Variants in TSKS observed in about 807,000 individuals in gnomAD.
The protein encoded by TSKS is testis-specific serine kinase substrate.
A neutral mutation model predicts 68.0 loss-of-function variants in TSKS; 27 were observed. The ratio of observed to expected loss-of-function variants is 0.40; its 90% confidence interval spans 0.29 to 0.55. TSKS has a LOEUF of 0.55. TSKS is among the 20% of genes least tolerant of loss of function. The pLI, the probability that TSKS is intolerant of heterozygous loss-of-function variation, is 0.53. For missense variants in TSKS, 806 were observed against 776.0 expected, an observed-to-expected ratio of 1.04 and a Z score of -0.46; for synonymous variants, 331 against 340.4, an observed-to-expected ratio of 0.97 and a Z score of 0.30.
At chr19:49,742,570 C>T (rs986494219) in intron 8 of TSKS, among the ~76,000 whole-genome samples, 1 of 147,208 alleles carries the variant, frequency 6.8e-6, no homozygotes, top group African/African-American at 2.5e-5. Flanking sequence ...ACCATCTTGG[C>T]TCACTGCAAC....
intron 5 of TSKS, 135 bp from the exon 6 acceptor site, chr19:49,746,933 A>C: frequency 7.8e-5 from 113 of 1,455,218 alleles, no homozygotes; most frequent in Non-Finnish European, 9.8e-5. Context: ...TGGAAGTCTC[A>C]CTGGCTGTCA....
chr19:49,749,041 C>T (rs867248132), intron 2 of TSKS, among the ~76,000 whole-genome samples: 13 of 151,242 alleles, frequency 8.6e-5, no homozygotes, highest in Middle Eastern at 3.2e-3. Flanking sequence ...CCAATCTGGG[C>T]GACAGAGCGA....
chr19:49,752,193 G>A (rs551468696), intron 2 of TSKS, among the ~76,000 whole-genome samples: 1 of 152,206 alleles, frequency 6.6e-6, no homozygotes, highest in African/African-American at 2.4e-5. Context: ...AGACTAGCCT[G>A]GCCAACATGG....
In TSKS at chr19:49,754,040, A is replaced by G. The variant is rs1015128366; in HGVS notation, c.400-5571T>C. Among the ~76,000 whole-genome samples, 6 of 149,864 alleles carry G rather than the reference A, an allele frequency of 4.0e-5. No homozygotes were observed. In the East Asian group the frequency reaches 1.2e-3, roughly 31 times the overall value. On this transcript the variant is annotated intron_variant, in intron 2 of 10. Coordinates refer to ENST00000246801, the MANE Select transcript of TSKS (RefSeq NM_021733.2). The stretch of plus-strand genomic sequence containing the variant: ...GCTGGGACTACAGGCACCCGCCACC[A>G]CGCCTGGCTAATTTTTGTATTTTTA...
chr19:49,744,847 C>G (rs2084282924), intron 7 of TSKS, among the ~76,000 whole-genome samples: 1 of 152,178 alleles, frequency 6.6e-6, no homozygotes, highest in Non-Finnish European at 1.5e-5. Context: ...ACGTCGGCCT[C>G]CCAATGTGCT....
intron 3 of TSKS, 75 bp from the exon 4 acceptor site, chr19:49,748,243 G>A: frequency 6.3e-7 from 1 of 1,582,324 alleles, no homozygotes; most frequent in Non-Finnish European, 8.7e-7. Flanking sequence ...CTGGGCCTGG[G>A]AAGGTTCCTT....
chr19:49,762,134 A>G lies in TSKS; in HGVS notation c.269T>C (p.Met90Thr), dbSNP rs1306939376. ...TNVSLLNLAA[M>T]EPTDSTGTDS... ...TGTCCCCGTGGAGTCAGTGGGCTCCATGGCGGCCAGGTTGAGCAGTGACAC... is the reference window on the plus strand; with the variant it reads ...TGTCCCCGTGGAGTCAGTGGGCTCCGTGGCGGCCAGGTTGAGCAGTGACAC... The change falls in exon 2 of 11, where the codon ATG (methionine) becomes ACG (threonine). Residue 90 changes from methionine to threonine, a missense_variant. Physicochemically the swap from Met to Thr is moderately conservative, Grantham distance 81. Transcript: ENST00000246801. The G allele has an allele frequency of 4.3e-6, 7 of 1,614,030 alleles. No individual in the cohort carries two copies. In the East Asian group the frequency reaches 1.3e-4, roughly 31 times the overall value.
chr19:49,762,069 C>T lies in TSKS; in HGVS notation c.334G>A (p.Ala112Thr). The change falls in exon 2 of 11, where the codon GCT becomes ACT. Residue 112 changes from alanine to threonine, a missense_variant. Transcript: ENST00000246801. ...AGGGTAGGGGAGGCAGGGGGCCCAGCCAGTGTGAGTTGGCCGCTGAGGTCT... is the reference window on the plus strand; with the variant it reads ...AGGGTAGGGGAGGCAGGGGGCCCAGTCAGTGTGAGTTGGCCGCTGAGGTCT... ...VEDLSGQLTLAGPPASPTLPW... is the reference protein window; with the variant it reads ...VEDLSGQLTLTGPPASPTLPW... The T allele has an allele frequency of 1.9e-6, 3 of 1,614,114 alleles. No individual in the cohort carries two copies. In the East Asian group the frequency reaches 6.7e-5, roughly 36 times the overall value.
At chr19:49,751,283 G>A (rs1438870251) in intron 2 of TSKS, among the ~76,000 whole-genome samples, 6 of 116,194 alleles carry the variant, frequency 5.2e-5, no homozygotes, top group African/African-American at 6.8e-5. Flanking sequence ...CAGCCTGGGC[G>A]ACAACGAGAT....
intron 2 of TSKS, among the ~76,000 whole-genome samples, chr19:49,750,913 G>C (rs569896780): frequency 2.0e-5 from 3 of 152,184 alleles, no homozygotes; most frequent in African/African-American, 7.2e-5. Flanking sequence ...TTCCTCCCTT[G>C]TGAGATGGAG....
At position 49,763,276 on chromosome 19, in the gene TSKS, G is replaced by A. The variant is rs2084460004; in HGVS notation, c.-29C>T. On this transcript the variant is annotated 5_prime_UTR_variant, in exon 1 of 11. Coordinates refer to ENST00000246801, the MANE Select transcript of TSKS (RefSeq NM_021733.2). This position sits in a 1 kb window ranked among gnomAD's most constrained non-coding sequence, Gnocchi z 4.5. The stretch of plus-strand genomic sequence containing the variant: ...GTGGGGGTCTGGCTCCCAGGGAGGG[G>A]CTCCTTCCTCTGAGACTTCCTACCT... The A allele has an allele frequency of 4.1e-6, 6 of 1,471,356 alleles. No homozygotes were observed. Among genetic ancestry groups the A allele is most frequent in the Non-Finnish European group, 5.4e-6 (6 of 1,115,168 alleles). 91.1% of individuals were successfully genotyped at this position (1,471,356 alleles called of 1,614,324 possible). A position where few individuals can be genotyped will look rare whatever the true frequency, so the allele number is the denominator to read the frequency against.
At position 49,763,197 on chromosome 19, in the gene TSKS, C is replaced by G; in HGVS notation, c.51G>C (p.Glu17Asp). The change falls in exon 1 of 11, where the codon GAG (glutamate) becomes GAC (aspartate). Residue 17 changes from glutamate to aspartate, a missense_variant. Physicochemically the swap from Glu to Asp is conservative, Grantham distance 45. Transcript: ENST00000246801. The surrounding 1 kb of genome is among the most constrained non-coding windows in gnomAD (Gnocchi z 4.5). ...CCACCCCCGTGGGGGTGTCCCCGGC[C>G]TCATGGATCTCTTTGGACTGCCAGA... ...KTIWQSKEIH[E>D]AGDTPTGVES... The G allele has an allele frequency of 6.3e-7, 1 of 1,575,196 alleles. No individual in the cohort carries two copies. The highest frequency in any genetic ancestry group is 8.6e-7 in the Non-Finnish European group (1 of 1,161,678).
At chr19:49,743,608 C>T (rs897327515) in intron 8 of TSKS, among the ~76,000 whole-genome samples, 19 of 151,466 alleles carry the variant, frequency 1.3e-4, no homozygotes, top group Admixed American at 1.1e-3. Context: ...CGCCATTCTC[C>T]TGCCTCAGCC....
In TSKS at chr19:49,761,996, G is replaced by T; in HGVS notation, c.399+8C>A. 1 of 1,604,642 alleles carries T rather than the reference G, an allele frequency of 6.2e-7. No individual in the cohort carries two copies. On this transcript the variant is annotated splice_region_variant and intron_variant, in intron 2 of 10. Coordinates refer to ENST00000246801, the MANE Select transcript of TSKS (RefSeq NM_021733.2). The stretch of plus-strand genomic sequence containing the variant: ...TCCTCCCCAGCGGGTGGTGTGGAGG[G>T]CCCTCACCAGGATTTCCGTGATGTC...
intron 7 of TSKS, 44 bp from the exon 8 acceptor site, chr19:49,744,448 G>T (rs752234461): frequency 7.0e-6 from 11 of 1,582,286 alleles, no homozygotes; most frequent in South Asian, 1.1e-5. Context: ...CTCTTCAGCG[G>T]TATAACCCTG....
chr19:49,744,559 G>A (rs1241019354), intron 7 of TSKS, among the ~76,000 whole-genome samples, 155 bp from the exon 8 acceptor site: 2 of 152,036 alleles, frequency 1.3e-5, no homozygotes, highest in African/African-American at 4.8e-5. Flanking sequence ...CTCACTTTTT[G>A]TATTTTACTT....
intron 10 of TSKS, 29 bp downstream of exon 10, chr19:49,740,030 C>T: frequency 1.2e-6 from 2 of 1,613,878 alleles, no homozygotes; most frequent in Non-Finnish European, 8.5e-7. Context: ...ATCTCACCCT[C>T]CTCCCATGCC....
At chr19:49,747,116 G>GT (rs2084309513) in intron 5 of TSKS, 2 of 1,508,498 alleles carry the variant, frequency 1.3e-6, no homozygotes, top group African/African-American at 2.8e-5. Context: ...TGGAAAATGA[G>GT]TGGGCATGTG....
At chr19:49,755,787 G>T (rs1267990767) in intron 2 of TSKS, among the ~76,000 whole-genome samples, 1 of 152,168 alleles carries the variant, frequency 6.6e-6, no homozygotes, top group Non-Finnish European at 1.5e-5. Context: ...TGGATTATGA[G>T]GTTAGGAGTT....
Sources: gnomAD v4.1 joint callset for allele counts (sites outside exome capture counted in the v4.1 genomes callset) on GRCh38, gnomAD v4.1.1 for gene constraint, Gnocchi (gnomAD v3.1) non-coding constraint, MANE v1.5 for transcripts, NCBI Gene and HGNC (gene_info 2026-07-23, HGNC 2026-07-21) for gene names.